VPS13B: variants seen among roughly 807,000 people sequenced by gnomAD.
VPS13B encodes intermembrane lipid transfer protein VPS13B.
Under a neutral mutation model 426.4 loss-of-function variants are expected in VPS13B, and 285 were observed. The ratio of observed to expected loss-of-function variants is 0.67; its 90% CI spans 0.61 to 0.74. The LOEUF (loss-of-function observed/expected upper bound fraction) is 0.74, where lower values mean the gene tolerates loss of function less well. VPS13B is among the 30% of genes least tolerant of loss of function. The pLI is 0.00. For synonymous variants in VPS13B, 1,676 were observed against 1,676.4 expected (o/e 1.00, Z 0.01); for missense variants, 4,537 against 4,782.6 (o/e 0.95, Z 1.51).
intron 33 of VPS13B, among the ~76,000 whole-genome samples, chr8:99,587,363 G>A (rs1434718347): frequency 2.6e-5 from 4 of 151,870 alleles, no homozygotes; most frequent in Non-Finnish European, 5.9e-5. Context: ...GGGTCAAATG[G>A]TATTTCTAGT....
rs113483205 is a variant in VPS13B at position 99,567,401 on chromosome 8, G to A, written c.4950-8257G>A. 8.2e-3 allele frequency among the ~76,000 whole-genome samples: 1,240 copies of A among 150,662 alleles called. 7 individuals are homozygous for A. Among genetic ancestry groups the A allele is most frequent in the Non-Finnish European group, 0.012 (848 of 67,848 alleles). ...CTTCTAGATATTGTAATAAATAGAC[G>A]TAGCACTTGTGATCTCCATTACAAA... On this transcript the variant is annotated intron_variant, in intron 31 of 61. Transcript: ENST00000357162.
chr8:99,604,830 T>C (rs185522501), intron 33 of VPS13B, among the ~76,000 whole-genome samples: 2 of 152,310 alleles, frequency 1.3e-5, no homozygotes, highest in East Asian at 3.9e-4. Context: ...TTGTAGAATG[T>C]CTTTTAATTT....
intron 17 of VPS13B, among the ~76,000 whole-genome samples, chr8:99,232,491 A>G (rs1816386961): frequency 6.6e-6 from 1 of 152,240 alleles, no homozygotes; most frequent in African/African-American, 2.4e-5. Context: ...TTTAAAGTCT[A>G]GAAAAGCCTG....
At chr8:99,716,579 T>C (rs990467060) in intron 36 of VPS13B, among the ~76,000 whole-genome samples, 11 of 152,234 alleles carry the variant, frequency 7.2e-5, no homozygotes, top group Non-Finnish European at 4.4e-5. Context: ...ATATTTACTT[T>C]GAACTATAGC....
chr8:99,740,150 C>T (rs963388390), intron 39 of VPS13B, among the ~76,000 whole-genome samples: 1 of 152,166 alleles, frequency 6.6e-6, no homozygotes, highest in African/African-American at 2.4e-5. Context: ...AGCTGCAAAC[C>T]ACAGCACAAG....
At chr8:99,013,384 G>T in intron 1 of VPS13B, 37 bp downstream of exon 1, 2 of 319,874 alleles carry the variant, frequency 6.3e-6, no homozygotes, top group South Asian at 5.4e-5. Flanking sequence ...AGCGGGAGCG[G>T]GACGGGAGGT....
intron 33 of VPS13B, among the ~76,000 whole-genome samples, chr8:99,582,250 T>C (rs1273076447): frequency 6.6e-6 from 1 of 152,224 alleles, no homozygotes; most frequent in Admixed American, 6.5e-5. Context: ...ATCAAATTAG[T>C]AAGTGAATTT....
intron 35 of VPS13B, chr8:99,696,539 C>A: frequency 2.1e-6 from 1 of 475,940 alleles, no homozygotes. Context: ...TCCTGCCGCC[C>A]GTGACCATGA....
chr8:99,127,528 A>G (rs555970920), intron 8 of VPS13B, among the ~76,000 whole-genome samples: 2 of 152,182 alleles, frequency 1.3e-5, no homozygotes, highest in African/African-American at 4.8e-5. Flanking sequence ...TTCTTCTCCC[A>G]CCACATCTAA....
chr8:99,640,110 A>G (rs1052884274), intron 33 of VPS13B, among the ~76,000 whole-genome samples: 2 of 149,856 alleles, frequency 1.3e-5, no homozygotes, highest in African/African-American at 2.5e-5. Context: ...AGAAAAGAAA[A>G]GAAGAAGAAG....
At chr8:99,623,185 C>G (rs1273092706) in intron 33 of VPS13B, among the ~76,000 whole-genome samples, 1 of 152,186 alleles carries the variant, frequency 6.6e-6, no homozygotes, top group Non-Finnish European at 1.5e-5. Flanking sequence ...GACCTCCTTG[C>G]TGTTCCTTGA....
chr8:99,310,379 A>AT (rs1013497128), intron 19 of VPS13B, among the ~76,000 whole-genome samples: 2 of 151,234 alleles, frequency 1.3e-5, no homozygotes, highest in Admixed American at 6.6e-5. Flanking sequence ...TTTACTGAGA[A>AT]TTTTTTTTAA....
chr8:99,473,701 T>C (rs1043603370), intron 24 of VPS13B, among the ~76,000 whole-genome samples: 9 of 152,050 alleles, frequency 5.9e-5, no homozygotes, highest in African/African-American at 1.4e-4. Flanking sequence ...GATATAAAGA[T>C]AAGAAATGAA....
intron 2 of VPS13B, among the ~76,000 whole-genome samples, chr8:99,017,888 C>T (rs183864337): frequency 3.4e-4 from 52 of 152,252 alleles, no homozygotes; most frequent in African/African-American, 9.6e-4. Context: ...TTGAATCTAT[C>T]GATCAATTTT....
At chr8:99,244,222 T>C (rs1432969692) in intron 17 of VPS13B, among the ~76,000 whole-genome samples, 1 of 152,258 alleles carries the variant, frequency 6.6e-6, no homozygotes, top group Non-Finnish European at 1.5e-5. Flanking sequence ...TCCAAAGAAG[T>C]ATAACTGGCA....
intron 36 of VPS13B, among the ~76,000 whole-genome samples, chr8:99,711,508 A>G (rs1007970876): frequency 6.6e-6 from 1 of 152,178 alleles, no homozygotes; most frequent in Non-Finnish European, 1.5e-5. Flanking sequence ...ACGGGCAAAT[A>G]AAAACTGTAG....
At chr8:99,563,735 A>G (rs1825049345) in intron 31 of VPS13B, among the ~76,000 whole-genome samples, 1 of 152,210 alleles carries the variant, frequency 6.6e-6, no homozygotes, top group African/African-American at 2.4e-5. Flanking sequence ...TGCTTGGCAC[A>G]TAACAGATAC....
At chr8:99,193,903 G>T (rs920728137) in intron 17 of VPS13B, among the ~76,000 whole-genome samples, 4 of 152,018 alleles carry the variant, frequency 2.6e-5, no homozygotes, top group African/African-American at 9.7e-5. Flanking sequence ...TTCAGATTTG[G>T]AATGTTTGCA....
At chr8:99,246,453 G>A (rs1188935596) in intron 17 of VPS13B, among the ~76,000 whole-genome samples, 1 of 152,174 alleles carries the variant, frequency 6.6e-6, no homozygotes, top group East Asian at 1.9e-4. Context: ...TGGCTGGTTA[G>A]TTATTATCAA....
Sources: allele counts gnomAD v4.1 joint callset (sites outside exome capture counted in the v4.1 genomes callset), GRCh38; gene constraint gnomAD v4.1.1; transcripts MANE v1.5; gene names NCBI Gene and HGNC (gene_info 2026-07-23, HGNC 2026-07-21).